The following KIAA1217 variants were observed in gnomAD, a reference collection of about 807,000 sequenced individuals.
KIAA1217 encodes KIAA1217.
In KIAA1217, 88 loss-of-function variants were observed where a neutral mutation model predicts 163.9. That is an observed-to-expected ratio of 0.54 (90% CI 0.45 to 0.64). The LOEUF is 0.64. Ranked by LOEUF, KIAA1217 falls within the 30% of genes least tolerant of loss-of-function variation. The pLI is 0.00. For missense variants in KIAA1217, 2,372 were observed against 2,475.0 expected, an observed-to-expected ratio of 0.96 and a Z score of 0.88; for synonymous variants, 903 against 923.1, an observed-to-expected ratio of 0.98 and a Z score of 0.39.
At chr10:24,069,552 G>T (rs2061103714) in intron 2 of KIAA1217, among the ~76,000 whole-genome samples, 1 of 152,272 alleles carries the variant, frequency 6.6e-6, no homozygotes, top group East Asian at 1.9e-4. Context: ...TGAAGAAACT[G>T]GGAGCTAGGA....
chr10:24,149,793 G>A (rs2064516518), intron 2 of KIAA1217, among the ~76,000 whole-genome samples: 1 of 151,918 alleles, frequency 6.6e-6, no homozygotes. Flanking sequence ...TTGAGGTGAC[G>A]CATATCCCAG....
chr10:24,025,050 T>G (rs1847882724), intron 2 of KIAA1217, among the ~76,000 whole-genome samples: 1 of 151,758 alleles, frequency 6.6e-6, no homozygotes, highest in Non-Finnish European at 1.5e-5. Flanking sequence ...CTTTCTTATT[T>G]TATGGTTCCC....
At chr10:24,439,474 A>G (rs988393208) in intron 5 of KIAA1217, among the ~76,000 whole-genome samples, 2 of 152,146 alleles carry the variant, frequency 1.3e-5, no homozygotes, top group South Asian at 4.1e-4. Context: ...GCTTCCTGAT[A>G]GTACATATTA....
intron 1 of KIAA1217, among the ~76,000 whole-genome samples, chr10:23,745,710 T>C (rs72771451): frequency 0.054 from 8,199 of 152,174 alleles, 328 homozygotes; most frequent in Middle Eastern, 0.1. Flanking sequence ...TTTGTAGCCT[T>C]GGAAAATGTG....
intron 1 of KIAA1217, among the ~76,000 whole-genome samples, chr10:24,003,170 C>G (rs1387367851): frequency 6.6e-6 from 1 of 151,830 alleles, no homozygotes; most frequent in Non-Finnish European, 1.5e-5. Flanking sequence ...TGGTAGATAC[C>G]TAGTAGTAGG....
At chr10:24,328,499 T>C (rs1378739223) in intron 2 of KIAA1217, among the ~76,000 whole-genome samples, 2 of 52,322 alleles carry the variant, frequency 3.8e-5, no homozygotes, top group Non-Finnish European at 7.1e-5. Context: ...TCAGTTTTTA[T>C]GTTTTTTTTT....
At chr10:24,032,680 C>T (rs1040621773) in intron 2 of KIAA1217, among the ~76,000 whole-genome samples, 1 of 152,124 alleles carries the variant, frequency 6.6e-6, no homozygotes, top group Admixed American at 6.5e-5. Flanking sequence ...TGTAAAGCCT[C>T]AGGGATAAAT....
At chr10:24,337,811 T>C (rs1264283462) in intron 2 of KIAA1217, among the ~76,000 whole-genome samples, 1 of 151,796 alleles carries the variant, frequency 6.6e-6, no homozygotes, top group Non-Finnish European at 1.5e-5. Context: ...GCCCGGCTAA[T>C]TTTTTGTATT....
At chr10:23,819,426 GAT>G (rs1038634129) in intron 1 of KIAA1217, among the ~76,000 whole-genome samples, 3 of 152,164 alleles carry the variant, frequency 2.0e-5, no homozygotes, top group African/African-American at 7.2e-5. Flanking sequence ...ATAAGGGAAA[GAT>G]ATGGAGCAGT....
rs139090693 is a variant in KIAA1217, at chr10:23,862,216, A to T, written c.-320-145009A>T. ...AGTTTATCTTTGTCTAGCTTCTTTT[A>T]ATCCATAGTAAGCTGTGATTTTGCC... On this transcript the variant is annotated intron_variant, in intron 1 of 18. Transcript: ENST00000376462. Among the ~76,000 whole-genome samples, 386 of 152,268 alleles carry T rather than the reference A, an allele frequency of 2.5e-3. 1 individual carries two copies. Among genetic ancestry groups the T allele is most frequent in the African/African-American group, 7.3e-3 (303 of 41,562 alleles).
chr10:23,699,521 G>A (rs988565590), intron 1 of KIAA1217, among the ~76,000 whole-genome samples: 2 of 152,224 alleles, frequency 1.3e-5, no homozygotes, highest in African/African-American at 4.8e-5. Context: ...AAGTGAGCAT[G>A]TGGACTCTGG....
Position 23,954,216 on chromosome 10 carries a change from C to T in KIAA1217, c.-320-53009C>T, listed in dbSNP as rs903129419. On this transcript the variant is annotated intron_variant, in intron 1 of 18. Coordinates refer to the KIAA1217 transcript ENST00000376462. ...ATAGACGGAAAGATTAAAGCAGATG[C>T]ACCCAGCAGGCAGAAAAATTATGAG... 2.0e-5 allele frequency among the ~76,000 whole-genome samples: 3 copies of T among 152,092 alleles called. No individual in the cohort carries two copies. The East Asian group carries it at 5.8e-4, about 29-fold the overall frequency.
At chr10:23,869,395 G>A (rs567238708) in intron 1 of KIAA1217, among the ~76,000 whole-genome samples, 48 of 152,102 alleles carry the variant, frequency 3.2e-4, no homozygotes, top group African/African-American at 1.0e-3. Context: ...CAACAGACTT[G>A]TTTCAAGTGG....
In KIAA1217 at chr10:24,088,188, A is replaced by G. The variant is rs2061771200; in HGVS notation, c.-171+80814A>G. ...GTCAGAGATGCCTGGAGGCACATGG[A>G]TCTCCTCTGCCCAGGCTCAAGGAAC... On this transcript the variant is annotated intron_variant, in intron 2 of 18. Coordinates refer to the KIAA1217 transcript ENST00000376462. 1.7e-5 allele frequency among the ~76,000 whole-genome samples: 2 copies of G among 118,738 alleles called. 1 individual carries two copies. Among genetic ancestry groups the G allele is most frequent in the Admixed American group, 1.7e-4 (2 of 12,012 alleles). The allele number at this position is 118,738 out of a possible 152,430, so 77.9% of individuals were successfully genotyped here. A position where few individuals can be genotyped will look rare whatever the true frequency, so the allele number is the denominator to read the frequency against.
intron 1 of KIAA1217, among the ~76,000 whole-genome samples, chr10:23,847,378 C>A (rs1180871907): frequency 6.6e-6 from 1 of 151,120 alleles, no homozygotes; most frequent in Non-Finnish European, 1.5e-5. Flanking sequence ...ACTTTTTAGG[C>A]TATTAATTAC....
At chr10:24,035,412 T>G (rs1848349829) in intron 2 of KIAA1217, among the ~76,000 whole-genome samples, 1 of 152,194 alleles carries the variant, frequency 6.6e-6, no homozygotes, top group Admixed American at 6.5e-5. Flanking sequence ...CTTTATACCC[T>G]CAGTTGGATG....
chr10:24,020,686 T>C (rs1268563126), intron 2 of KIAA1217, among the ~76,000 whole-genome samples: 1 of 151,994 alleles, frequency 6.6e-6, no homozygotes, highest in Non-Finnish European at 1.5e-5. Flanking sequence ...GCACAATCAT[T>C]GGTTGACCAC....
At chr10:24,320,047 TG>T (rs1436226867) in intron 2 of KIAA1217, among the ~76,000 whole-genome samples, 1 of 152,204 alleles carries the variant, frequency 6.6e-6, no homozygotes, top group Non-Finnish European at 1.5e-5. Flanking sequence ...GTCTAGTAAC[TG>T]GTTGTTTCAT....
At chr10:24,040,587 GATTTTATGATACAGCAGT>G (rs2131556181) in intron 2 of KIAA1217, among the ~76,000 whole-genome samples, 1 of 152,304 alleles carries the variant, frequency 6.6e-6, no homozygotes, top group Non-Finnish European at 1.5e-5. Context: ...TAATGGAGTG[GATTTTATGATACAGCAGT>G]ATTTGCAAAC....
Sources: allele counts gnomAD v4.1 joint callset (sites outside exome capture counted in the v4.1 genomes callset), GRCh38; gene constraint gnomAD v4.1.1; transcripts MANE v1.5; gene names NCBI Gene and HGNC (gene_info 2026-07-23, HGNC 2026-07-21).